The following GRIN3A variants were observed in gnomAD, a reference collection of about 807,000 sequenced individuals.
GRIN3A encodes the protein glutamate ionotropic receptor NMDA type subunit 3A, also known as glutamate receptor ionotropic, NMDA 3A.
GRIN3A carries 47 observed loss-of-function variants against 92.4 expected under a neutral mutation model. The observed-to-expected ratio is 0.51, with a 90% CI of 0.40 to 0.65. The LOEUF (loss-of-function observed/expected upper bound fraction) is 0.65. Ranked by LOEUF, GRIN3A falls within the 30% of genes least tolerant of loss-of-function variation. GRIN3A has a pLI of 0.00. For synonymous variants in GRIN3A, 527 were observed against 540.6 expected (o/e 0.97, Z 0.35); for missense variants, 1,324 against 1,393.1 (o/e 0.95, Z 0.79).
intron 1 of GRIN3A, among the ~76,000 whole-genome samples, chr9:101,693,140 C>T (rs1829641034): frequency 6.6e-6 from 1 of 151,846 alleles, no homozygotes; most frequent in Admixed American, 6.6e-5. Flanking sequence ...TGTAGTGGCT[C>T]ATGCCTTTAA....
At chr9:101,641,517 A>G (rs1219592121) in intron 3 of GRIN3A, among the ~76,000 whole-genome samples, 1 of 152,120 alleles carries the variant, frequency 6.6e-6, no homozygotes. Context: ...ATTCTCAGCA[A>G]ACTATCGCAA....
At chr9:101,632,791 C>T (rs1199882598) in intron 3 of GRIN3A, among the ~76,000 whole-genome samples, 1 of 152,076 alleles carries the variant, frequency 6.6e-6, no homozygotes, top group Non-Finnish European at 1.5e-5. Context: ...TTCAGACAGC[C>T]AGGGATGTCA....
At chr9:101,625,408 C>T (rs79620197) in intron 4 of GRIN3A, among the ~76,000 whole-genome samples, 1,580 of 152,134 alleles carry the variant, frequency 0.01, 11 homozygotes, top group Non-Finnish European at 0.018. Flanking sequence ...AAAGATATCC[C>T]TAGACACCCA....
At chr9:101,637,344 C>T (rs752491067) in intron 3 of GRIN3A, among the ~76,000 whole-genome samples, 5 of 152,114 alleles carry the variant, frequency 3.3e-5, no homozygotes, top group Non-Finnish European at 7.4e-5. Flanking sequence ...CCACCCGCCT[C>T]GGCTTCCCAA....
chr9:101,651,671 C>A (rs946285349), intron 3 of GRIN3A, among the ~76,000 whole-genome samples: 9 of 118,176 alleles, frequency 7.6e-5, no homozygotes, highest in Non-Finnish European at 1.6e-4. Context: ...TGTGTGTGGT[C>A]ATTCTTTCAG....
intron 6 of GRIN3A, among the ~76,000 whole-genome samples, chr9:101,588,325 A>G (rs903218914): frequency 6.6e-6 from 1 of 152,210 alleles, no homozygotes; most frequent in Admixed American, 6.5e-5. Flanking sequence ...ACACTGCATG[A>G]GCCTGAGTAG....
At position 101,585,347 on chromosome 9, in the gene GRIN3A, CT is replaced by C. The variant is rs534709329; in HGVS notation, c.2767-5988del. On this transcript the variant is annotated intron_variant, in intron 6 of 8. Coordinates refer to ENST00000361820, the MANE Select transcript of GRIN3A (RefSeq NM_133445.3). ...CATAGGCATGCTTTCAGTTTTTCAG[CT>C]ACACTCATGTTCTCATTCAGAGTCA... Among the ~76,000 whole-genome samples, 215 of 152,290 alleles carry C rather than the reference CT, an allele frequency of 1.4e-3. 1 individual carries two copies. The highest frequency in any genetic ancestry group is 4.9e-3 in the African/African-American group (202 of 41,570).
At chr9:101,661,011 C>T (rs893737517) in intron 3 of GRIN3A, among the ~76,000 whole-genome samples, 1 of 151,836 alleles carries the variant, frequency 6.6e-6, no homozygotes, top group Non-Finnish European at 1.5e-5. Context: ...AAACAGATTG[C>T]ATGACAATTA....
chr9:101,626,707 T>C (rs1828638909), intron 4 of GRIN3A, among the ~76,000 whole-genome samples: 1 of 152,234 alleles, frequency 6.6e-6, no homozygotes, highest in South Asian at 2.1e-4. Flanking sequence ...AACTGCAACA[T>C]AGATGTTGCT....
At chr9:101,652,869 T>C (rs1313861023) in intron 3 of GRIN3A, among the ~76,000 whole-genome samples, 1 of 151,988 alleles carries the variant, frequency 6.6e-6, no homozygotes, top group Non-Finnish European at 1.5e-5. Flanking sequence ...TTTATGAGAA[T>C]GAACATTGCA....
chr9:101,690,346 G>C (rs952134418), intron 1 of GRIN3A, among the ~76,000 whole-genome samples: 1 of 151,998 alleles, frequency 6.6e-6, no homozygotes, highest in Non-Finnish European at 1.5e-5. Flanking sequence ...ATTTCTAGTG[G>C]AGATGAAACT....
At chr9:101,617,205 T>TAA (rs61141843) in intron 5 of GRIN3A, among the ~76,000 whole-genome samples, 144 of 107,038 alleles carry the variant, frequency 1.3e-3, no homozygotes, top group African/African-American at 2.1e-3. Context: ...AGACTCCGTC[T>TAA]AAAAAAAAAA....
chr9:101,634,998 T>C (rs1482314392), intron 3 of GRIN3A, among the ~76,000 whole-genome samples: 1 of 152,242 alleles, frequency 6.6e-6, no homozygotes, highest in East Asian at 1.9e-4. Context: ...TTTTTTCTAA[T>C]GTGAATTACT....
Position 101,572,928 on chromosome 9 carries a change from T to C in GRIN3A, c.*246A>G, listed in dbSNP as rs1827778869. 3 of 522,278 alleles carry C rather than the reference T, an allele frequency of 5.7e-6. No individual in the cohort carries two copies. Among genetic ancestry groups the C allele is most frequent in the Non-Finnish European group, 6.9e-6 (2 of 287,778 alleles). The allele number at this position is 522,278 out of a possible 1,614,324, so 32.4% of individuals were successfully genotyped here. On this transcript the variant is annotated 3_prime_UTR_variant, in exon 9 of 9. Coordinates refer to ENST00000361820, the MANE Select transcript of GRIN3A (RefSeq NM_133445.3). ...GGGGTTATCTGGTTATTCACAGATC[T>C]CTCGCACAGAGCTTACTCCTGACTA... is the stretch of plus-strand genomic sequence containing the variant.
intron 6 of GRIN3A, among the ~76,000 whole-genome samples, chr9:101,604,163 AAAGG>A (rs1828246305): frequency 6.6e-6 from 1 of 152,178 alleles, no homozygotes; most frequent in Non-Finnish European, 1.5e-5. Flanking sequence ...AAGAGAAAGA[AAAGG>A]AAGGAAGGGA....
At chr9:101,713,473 G>T (rs1397825869) in intron 1 of GRIN3A, among the ~76,000 whole-genome samples, 1 of 152,202 alleles carries the variant, frequency 6.6e-6, no homozygotes, top group African/African-American at 2.4e-5. Flanking sequence ...GCCTAGGTAT[G>T]TATTCAGTAA....
chr9:101,593,156 T>C (rs1396207402), intron 6 of GRIN3A: 1 of 152,178 alleles, frequency 6.6e-6, no homozygotes, highest in Non-Finnish European at 1.5e-5. Flanking sequence ...AACTAAAAGC[T>C]TTTGTTCTTT....
chr9:101,664,457 A>G (rs927045020), intron 3 of GRIN3A, among the ~76,000 whole-genome samples: 6 of 151,914 alleles, frequency 3.9e-5, no homozygotes, highest in Admixed American at 3.9e-4. Context: ...GAAGCAACAT[A>G]TATTACTTTT....
intron 1 of GRIN3A, among the ~76,000 whole-genome samples, chr9:101,724,726 G>C (rs1327592013): frequency 1.3e-5 from 2 of 152,240 alleles, no homozygotes; most frequent in Non-Finnish European, 2.9e-5. Context: ...TTCTGATTTT[G>C]CTTTCTCCTC....
Sources: gnomAD v4.1 joint callset for allele counts (sites outside exome capture counted in the v4.1 genomes callset) on GRCh38, gnomAD v4.1.1 for gene constraint, MANE v1.5 for transcripts, NCBI Gene and HGNC (gene_info 2026-07-23, HGNC 2026-07-21) for gene names.